ZSCAN5B: variants seen among roughly 807,000 people sequenced by gnomAD.
ZSCAN5B encodes zinc finger and SCAN domain containing 5B, also known as zinc finger and SCAN domain-containing protein 5B.
A neutral mutation model predicts 25.2 loss-of-function variants in ZSCAN5B; 26 were observed. The observed-to-expected ratio is 1.03, with a 90% confidence interval of 0.76 to 1.43. The LOEUF (loss-of-function observed/expected upper bound fraction) is 1.43, where lower values mean the gene tolerates loss of function less well. ZSCAN5B is among the 40% of genes most tolerant of loss of function. The pLI is 0.00. For synonymous variants in ZSCAN5B, 244 were observed against 240.9 expected (o/e 1.01, Z -0.12); for missense variants, 745 against 622.1 (o/e 1.20, Z -2.10).
At chr19:56,192,826 T>C (rs1293216422) in exon 2 of ZSCAN5B, 2 of 1,612,662 alleles carry the variant, frequency 1.2e-6, no homozygotes, top group South Asian at 2.2e-5. Flanking sequence ...GGTGTGGAGG[T>C]CGGGCCTCAG....
rs1428348604 is a variant in ZSCAN5B, at chr19:56,190,826, T to C, written c.739+11A>G. 1 of 1,612,956 alleles carries C rather than the reference T, an allele frequency of 6.2e-7. No individual in the cohort carries two copies. The highest frequency in any genetic ancestry group is 2.2e-5 in the East Asian group (1 of 44,850). On this transcript the variant is annotated intron_variant, in intron 4 of 4. Transcript: ENST00000586855. The stretch of plus-strand genomic sequence containing the variant: ...GGACTAACCCCTGTGGATCCAAGTC[T>C]TCATACTCACTGGGACTCTTTGGAA...
intron 1 of ZSCAN5B, 128 bp downstream of exon 1, chr19:56,197,606 A>G (rs919127358): frequency 5.9e-6 from 2 of 338,912 alleles, no homozygotes; most frequent in African/African-American, 2.2e-5. Context: ...TGGGGTGCAA[A>G]GGAGACCCGC....
At chr19:56,193,003 C>G in exon 2 of ZSCAN5B, 1 of 1,601,748 alleles carries the variant, frequency 6.2e-7, no homozygotes, top group Non-Finnish European at 8.5e-7. Flanking sequence ...TGACCCAGGG[C>G]TGTTGCAGGG....
chr19:56,191,901 G>A, exon 3 of ZSCAN5B: 1 of 1,613,922 alleles, frequency 6.2e-7, no homozygotes, highest in Non-Finnish European at 8.5e-7. Flanking sequence ...GCTCTCGGCG[G>A]GCCTGGCCTG....
exon 5 of ZSCAN5B, chr19:56,190,300 C>A: frequency 6.2e-7 from 1 of 1,613,608 alleles, no homozygotes. Context: ...CTGACCGGGC[C>A]CGCAGGGCCT....
exon 2 of ZSCAN5B, chr19:56,192,885 C>T (rs1160010938): frequency 6.2e-5 from 100 of 1,613,880 alleles, no homozygotes; most frequent in Non-Finnish European, 7.5e-5. Context: ...GGATGGGGTC[C>T]GACTCCTCTG....
intron 1 of ZSCAN5B, 99 bp downstream of exon 1, chr19:56,197,635 G>T: frequency 1.6e-6 from 1 of 615,344 alleles, no homozygotes; most frequent in Non-Finnish European, 2.0e-6. Flanking sequence ...CAAAGTCTCC[G>T]AGAAAATAAA....
intron 4 of ZSCAN5B, 48 bp from the exon 5 acceptor site, chr19:56,190,623 T>C: frequency 3.8e-6 from 6 of 1,590,640 alleles, no homozygotes; most frequent in Non-Finnish European, 5.1e-6. Context: ...AAGCCGATTT[T>C]CAATACACCA....
chr19:56,190,135 G>A lies in ZSCAN5B; in HGVS notation c.1180C>T (p.Gln394Ter). 4 of 1,614,054 alleles carry A rather than the reference G, an allele frequency of 2.5e-6. No individual in the cohort carries two copies. Among genetic ancestry groups the A allele is most frequent in the Non-Finnish European group, 3.4e-6 (4 of 1,179,918 alleles). ...TGGTGAACTCGGAGGTCTGAGGGCT[G>A]CAAGAAGCGCTTCCGACAGAGATCA... Residue 394 changes from glutamine to a stop codon, truncating the protein, a stop_gained, in exon 5 of 5, where the codon CAG becomes TAG. Coordinates refer to ENST00000586855, the Ensembl canonical transcript of ZSCAN5B. LOFTEE classifies it low-confidence loss of function (END_TRUNC).
In ZSCAN5B at chr19:56,190,829, A is replaced by C. The variant is rs933214231; in HGVS notation, c.739+8T>G. On this transcript the variant is annotated splice_region_variant and intron_variant, in intron 4 of 4. Coordinates refer to ENST00000586855, the Ensembl canonical transcript of ZSCAN5B. ...CTAACCCCTGTGGATCCAAGTCTTC[A>C]TACTCACTGGGACTCTTTGGAAGCT... The C allele has an allele frequency of 2.7e-5, 44 of 1,613,018 alleles. No individual in the cohort carries two copies. Among genetic ancestry groups the C allele is most frequent in the Non-Finnish European group, 3.6e-5 (42 of 1,179,648 alleles).
intron 1 of ZSCAN5B, among the ~76,000 whole-genome samples, chr19:56,195,240 C>T (rs541800159): frequency 6.6e-6 from 1 of 152,170 alleles, no homozygotes; most frequent in African/African-American, 2.4e-5. Flanking sequence ...TTACACACCA[C>T]ACATCTCACA....
chr19:56,191,881 AG>A lies in ZSCAN5B; in HGVS notation c.556del (p.Leu186CysfsTer23). The A allele has an allele frequency of 6.2e-7, 1 of 1,614,026 alleles. No individual in the cohort carries two copies. The highest frequency in any genetic ancestry group is 8.5e-7 in the Non-Finnish European group (1 of 1,179,988). On this transcript the variant is annotated frameshift_variant, in exon 3 of 5. Transcript: ENST00000586855. LOFTEE classifies it high-confidence loss of function. ...CCTGGACAGTGCAGCGACCCTGGGC[AG>A]GATCTGCTGCTCTCGGCGGGCCTGG...
At chr19:56,191,806 C>T in intron 3 of ZSCAN5B, 44 bp downstream of exon 3, 1 of 1,596,644 alleles carries the variant, frequency 6.3e-7, no homozygotes, top group Non-Finnish European at 8.6e-7. Context: ...TCCTCCTGTT[C>T]CTTCTCCCAC....
exon 2 of ZSCAN5B, chr19:56,193,008 G>A (rs1276532323): frequency 6.3e-7 from 1 of 1,599,352 alleles, no homozygotes. Context: ...CAGGGCTGTT[G>A]CAGGGTCCTC....
chr19:56,189,817 G>C, exon 5 of ZSCAN5B: 3 of 1,599,284 alleles, frequency 1.9e-6, no homozygotes, highest in Admixed American at 1.7e-5. Context: ...ATGTGGACCT[G>C]ACTCTGGAAT....
intron 3 of ZSCAN5B, 109 bp downstream of exon 3, chr19:56,191,741 G>C: frequency 9.2e-7 from 1 of 1,083,154 alleles, no homozygotes; most frequent in South Asian, 1.6e-5. Flanking sequence ...CATGGGGAAT[G>C]GCTCTAATCT....
At position 56,193,029 on chromosome 19, in the gene ZSCAN5B, TGA is replaced by T. The variant is rs1568585727; in HGVS notation, c.22_23del (p.Ser8MetfsTer33). ...TGTTGCAGGGTCCTCCCTGACCCCA[TGA>T]GAGTGTCCAATTTGCAGCCATATCT... is the stretch of plus-strand genomic sequence containing the variant. On this transcript the variant is annotated frameshift_variant, in exon 2 of 5. Coordinates refer to ENST00000586855, the Ensembl canonical transcript of ZSCAN5B. LOFTEE classifies it high-confidence loss of function. 9 of 1,576,646 alleles carry T rather than the reference TGA, an allele frequency of 5.7e-6. No homozygotes were observed. The highest frequency in any genetic ancestry group is 1.1e-5 in the South Asian group (1 of 87,814).
intron 1 of ZSCAN5B, among the ~76,000 whole-genome samples, chr19:56,194,502 C>T (rs1017543127): frequency 1.3e-5 from 2 of 152,136 alleles, no homozygotes; most frequent in African/African-American, 4.8e-5. Flanking sequence ...CGCCATGTTG[C>T]CCAGGCTGGT....
intron 3 of ZSCAN5B, among the ~76,000 whole-genome samples, chr19:56,191,425 C>T (rs968642380): frequency 2.6e-5 from 4 of 152,200 alleles, no homozygotes; most frequent in Admixed American, 2.6e-4. Flanking sequence ...TGTCCTCAGA[C>T]ATTGCCAAAT....
Sources: allele counts gnomAD v4.1 joint callset (sites outside exome capture counted in the v4.1 genomes callset), GRCh38; gene constraint gnomAD v4.1.1; transcripts MANE v1.5; gene names NCBI Gene and HGNC (gene_info 2026-07-23, HGNC 2026-07-21).